FARP1: variants seen among roughly 807,000 people sequenced by gnomAD.
The protein encoded by FARP1 is FERM, ARH/RhoGEF and pleckstrin domain protein 1.
FARP1 carries 52 observed loss-of-function variants against 128.8 expected under a neutral mutation model. That is an observed-to-expected ratio of 0.40 (90% confidence interval 0.32 to 0.51). The LOEUF (loss-of-function observed/expected upper bound fraction) is 0.51. FARP1 is among the 20% of genes least tolerant of loss of function. The probability of loss-of-function intolerance (pLI) is 0.45; values close to 1 mark genes in which losing one functional copy is unlikely to be tolerated. For synonymous variants in FARP1, 580 were observed against 551.8 expected, an observed-to-expected ratio of 1.05 and a Z score of -0.72; for missense variants, 1,333 against 1,367.9, an observed-to-expected ratio of 0.97 and a Z score of 0.40.
intron 2 of FARP1, among the ~76,000 whole-genome samples, chr13:98,226,580 G>T (rs1172121470): frequency 6.6e-6 from 1 of 151,326 alleles, no homozygotes; most frequent in Non-Finnish European, 1.5e-5. Flanking sequence ...CTGTGCTGTT[G>T]ACTGCTGCTG....
At chr13:98,398,407 G>C (rs1890636178) in intron 13 of FARP1, 1 of 152,286 alleles carries the variant, frequency 6.6e-6, no homozygotes, top group South Asian at 2.1e-4. Flanking sequence ...CATTTCTTCT[G>C]AAAAAGTTAA....
At chr13:98,159,688 C>G (rs1876738890) in intron 1 of FARP1, 1 of 152,084 alleles carries the variant, frequency 6.6e-6, no homozygotes, top group Non-Finnish European at 1.5e-5. Flanking sequence ...TCAGGCTGGT[C>G]TCGAACTCCC....
chr13:98,400,955 T>C (rs1417053374), intron 13 of FARP1: 3 of 152,214 alleles, frequency 2.0e-5, no homozygotes, highest in African/African-American at 7.2e-5. Flanking sequence ...GTTATTTATA[T>C]CTTACTGCTC....
At chr13:98,371,177 G>A (rs1421572142) in intron 5 of FARP1, among the ~76,000 whole-genome samples, 4 of 151,060 alleles carry the variant, frequency 2.6e-5, no homozygotes, top group African/African-American at 9.7e-5. Flanking sequence ...TGCTCAGGAA[G>A]TTGGAGGCAC....
At chr13:98,404,473 A>G (rs1005378547) in intron 13 of FARP1, 2 of 152,252 alleles carry the variant, frequency 1.3e-5, no homozygotes, top group African/African-American at 4.8e-5. Context: ...ATTATTCAGC[A>G]TAATACTGCC....
At chr13:98,209,254 CG>C (rs1566743054) in intron 1 of FARP1, among the ~76,000 whole-genome samples, 1 of 151,798 alleles carries the variant, frequency 6.6e-6, no homozygotes, top group East Asian at 2.0e-4. Context: ...GTGATCCACC[CG>C]CCTTGGCCTC....
At chr13:98,412,119 C>A in intron 16 of FARP1, 85 bp downstream of exon 16, 2 of 1,371,828 alleles carry the variant, frequency 1.5e-6, no homozygotes, top group Non-Finnish European at 2.0e-6. Flanking sequence ...AGGCAGCAGG[C>A]AGGAACAAAG....
chr13:98,144,863 G>A (rs183575496), intron 1 of FARP1, among the ~76,000 whole-genome samples: 197 of 152,216 alleles, frequency 1.3e-3, no homozygotes, highest in African/African-American at 4.4e-3. Context: ...CAGTGTTCTC[G>A]TAGGGGGTTT....
rs1207085312 is a variant in FARP1, at chr13:98,349,908, G to A, written c.276+6042G>A. Among the ~76,000 whole-genome samples the A allele has an allele frequency of 2.0e-5, 3 of 152,122 alleles. No individual in the cohort carries two copies. In the East Asian group the frequency reaches 5.8e-4, roughly 29 times the overall value. ...GGGATGACGGGCATCCCTTGCTGGA[G>A]GTTTCTAGACCCTGCTGGAGTCAGA... On this transcript the variant is annotated intron_variant, in intron 3 of 26. Transcript: ENST00000319562.
intron 2 of FARP1, among the ~76,000 whole-genome samples, chr13:98,217,687 C>T (rs893394982): frequency 2.0e-5 from 3 of 152,190 alleles, no homozygotes; most frequent in African/African-American, 4.8e-5. Flanking sequence ...CCACAGTCCT[C>T]GGCGGTTTGT....
chr13:98,276,436 C>T (rs1475935407), intron 2 of FARP1, among the ~76,000 whole-genome samples: 1 of 151,764 alleles, frequency 6.6e-6, no homozygotes, highest in African/African-American at 2.4e-5. Flanking sequence ...TGAAAAAAAG[C>T]AAAACACAAG....
intron 13 of FARP1, chr13:98,396,297 C>T (rs1890543656): frequency 7.5e-6 from 3 of 399,138 alleles, no homozygotes; most frequent in African/African-American, 6.2e-5. Flanking sequence ...TGACCGAGGG[C>T]TCCACCAGCA....
At chr13:98,197,270 C>T (rs1326524799) in intron 1 of FARP1, among the ~76,000 whole-genome samples, 2 of 152,122 alleles carry the variant, frequency 1.3e-5, no homozygotes, top group African/African-American at 4.8e-5. Flanking sequence ...AGTTCGAGAC[C>T]AGCCTGACCA....
chr13:98,307,010 A>G (rs1317465355), intron 2 of FARP1, among the ~76,000 whole-genome samples: 2 of 152,234 alleles, frequency 1.3e-5, no homozygotes, highest in African/African-American at 4.8e-5. Flanking sequence ...GAAACAGAGC[A>G]GAGCTGAGAA....
At chr13:98,423,174 A>G (rs1466238357) in intron 16 of FARP1, among the ~76,000 whole-genome samples, 1 of 152,190 alleles carries the variant, frequency 6.6e-6, no homozygotes, top group African/African-American at 2.4e-5. Context: ...GTGCCCACCC[A>G]GATTGAGGGT....
intron 2 of FARP1, among the ~76,000 whole-genome samples, chr13:98,263,538 T>A (rs1883972705): frequency 6.6e-6 from 1 of 152,190 alleles, no homozygotes; most frequent in Non-Finnish European, 1.5e-5. Context: ...CTATTGAAAA[T>A]TTGTAAAATA....
chr13:98,317,255 GT>G (rs1158769692), intron 2 of FARP1, among the ~76,000 whole-genome samples: 1 of 152,198 alleles, frequency 6.6e-6, no homozygotes, highest in Non-Finnish European at 1.5e-5. Flanking sequence ...AATTGCATGT[GT>G]GGTTTTGTTT....
chr13:98,319,866 T>C (rs1290658441), intron 2 of FARP1, among the ~76,000 whole-genome samples: 1 of 152,220 alleles, frequency 6.6e-6, no homozygotes, highest in Non-Finnish European at 1.5e-5. Context: ...GACTTTTTTT[T>C]TTCTTGAAAA....
chr13:98,244,109 G>A (rs1882930276), intron 2 of FARP1, among the ~76,000 whole-genome samples: 2 of 151,996 alleles, frequency 1.3e-5, no homozygotes, highest in South Asian at 4.1e-4. Context: ...TTTTCAATGA[G>A]AATATATTCA....
Sources: allele counts gnomAD v4.1 joint callset (sites outside exome capture counted in the v4.1 genomes callset), GRCh38; gene constraint gnomAD v4.1.1; transcripts MANE v1.5; gene names NCBI Gene and HGNC (gene_info 2026-07-23, HGNC 2026-07-21).